DDO: variants seen among roughly 807,000 people sequenced by gnomAD.
DDO encodes D-aspartate oxidase.
A neutral mutation model predicts 16.8 loss-of-function variants in DDO; 16 were observed. The observed-to-expected ratio is 0.95, with a 90% CI of 0.65 to 1.45. DDO has a LOEUF of 1.45. Among genes scored for constraint, DDO ranks in the 40% most tolerant of loss-of-function variants. DDO has a pLI of 0.00. For synonymous variants in DDO, 180 were observed against 167.2 expected (o/e 1.08, Z -0.59); for missense variants, 429 against 420.3 (o/e 1.02, Z -0.18).
chr6:110,412,008 GC>G (rs1376166721), intron 2 of DDO, among the ~76,000 whole-genome samples: 1 of 152,174 alleles, frequency 6.6e-6, no homozygotes, highest in Non-Finnish European at 1.5e-5. Context: ...GAGCCACCAT[GC>G]CCCACCAGTG....
At chr6:110,409,109 G>A (rs557294678) in intron 2 of DDO, among the ~76,000 whole-genome samples, 5 of 152,320 alleles carry the variant, frequency 3.3e-5, no homozygotes, top group South Asian at 2.1e-4. Flanking sequence ...CAGCAGGGGC[G>A]TGCAGGGACC....
At chr6:110,400,092 A>C (rs1364137836) in intron 4 of DDO, among the ~76,000 whole-genome samples, 1 of 152,110 alleles carries the variant, frequency 6.6e-6, no homozygotes, top group African/African-American at 2.4e-5. Flanking sequence ...GGAAATGCTG[A>C]CCGCAGGCCC....
chr6:110,393,779 T>C (rs752412116), intron 4 of DDO, among the ~76,000 whole-genome samples: 1 of 152,192 alleles, frequency 6.6e-6, no homozygotes, highest in Non-Finnish European at 1.5e-5. Context: ...TAGCCTGGTC[T>C]CCCTAACTAA....
chr6:110,393,961 A>C (rs1773203986), intron 4 of DDO, among the ~76,000 whole-genome samples: 1 of 152,226 alleles, frequency 6.6e-6, no homozygotes, highest in Non-Finnish European at 1.5e-5. Context: ...CAGTACCTGT[A>C]GTCTTTATTT....
intron 3 of DDO, among the ~76,000 whole-genome samples, chr6:110,406,094 G>A (rs1310744760): frequency 6.6e-6 from 1 of 152,048 alleles, no homozygotes; most frequent in Non-Finnish European, 1.5e-5. Context: ...GGGCTAGCTT[G>A]CCCTCTTCCA....
intron 4 of DDO, among the ~76,000 whole-genome samples, chr6:110,398,429 T>TACACACCA (rs1222174948): frequency 6.2e-5 from 9 of 144,862 alleles, no homozygotes; most frequent in African/African-American, 2.4e-4. Flanking sequence ...CACACACACT[T>TACACACCA]GGCCTCCCAG....
downstream of DDO, among the ~76,000 whole-genome samples, chr6:110,388,446 C>A (rs1279295955): frequency 6.6e-6 from 1 of 152,266 alleles, no homozygotes; most frequent in Non-Finnish European, 1.5e-5. Flanking sequence ...TTTCTAAAAG[C>A]TTTTAATTGA....
downstream of DDO, among the ~76,000 whole-genome samples, chr6:110,388,628 T>TA (rs567971996): frequency 8.6e-3 from 1,288 of 149,560 alleles, 18 homozygotes; most frequent in African/African-American, 0.029. Flanking sequence ...TCCCAAAAGT[T>TA]AAAAAAAAAA....
chr6:110,410,260 C>A (rs1211534947), intron 2 of DDO, among the ~76,000 whole-genome samples: 4 of 152,206 alleles, frequency 2.6e-5, no homozygotes. Flanking sequence ...ACAGTTCTGG[C>A]CTCGATGGCC....
downstream of DDO, chr6:110,388,938 T>G: frequency 2.6e-6 from 1 of 390,498 alleles, no homozygotes; most frequent in Non-Finnish European, 3.5e-6. Context: ...ATCTTTGAAG[T>G]AAATGAAGAT....
chr6:110,400,602 A>G (rs1000986379), intron 4 of DDO, among the ~76,000 whole-genome samples: 3 of 152,200 alleles, frequency 2.0e-5, no homozygotes, highest in African/African-American at 7.2e-5. Context: ...CCAGGGCCTT[A>G]TCAACAATTT....
At position 110,392,952 on chromosome 6, in the gene DDO, G is replaced by A. The variant is rs200493686; in HGVS notation, c.849C>T (p.Gly283=). 2.3e-4 allele frequency: 379 copies of A among 1,614,014 alleles called. No individual in the cohort carries two copies. The highest frequency in any genetic ancestry group is 3.0e-4 in the Non-Finnish European group (357 of 1,179,990). Residue 283 remains glycine (G), a synonymous_variant, in exon 5 of 5, where the codon GGC becomes GGT. Coordinates refer to ENST00000368924, the MANE Select transcript of DDO (RefSeq NM_001372108.2). ...CAAGGAGCTCTGTCTGCAGTCGCAC[G>A]CCTGGCCTGTAGGGCCTCAAGCCCA... is the stretch of plus-strand genomic sequence containing the variant. ...EKVGLRPYRP[G]VRLQTELLAR...
intron 4 of DDO, among the ~76,000 whole-genome samples, chr6:110,404,496 G>A (rs1038931028): frequency 1.3e-5 from 2 of 152,202 alleles, no homozygotes; most frequent in Admixed American, 6.5e-5. Context: ...CAATAAGAGG[G>A]TTTTACCTGG....
intron 4 of DDO, 89 bp from the exon 5 acceptor site, chr6:110,393,431 A>G: frequency 6.7e-7 from 1 of 1,482,092 alleles, no homozygotes; most frequent in Non-Finnish European, 8.9e-7. Flanking sequence ...AGGAACAAAA[A>G]TTAGGTGATG....
intron 2 of DDO, among the ~76,000 whole-genome samples, chr6:110,408,918 C>T (rs1449803302): frequency 6.6e-6 from 1 of 152,228 alleles, no homozygotes; most frequent in African/African-American, 2.4e-5. Flanking sequence ...GGGCCCAGGC[C>T]AACCGGGACA....
rs1562268960 is a variant in DDO, at chr6:110,415,540, G to A, written c.-78C>T. 3 of 1,614,022 alleles carry A rather than the reference G, an allele frequency of 1.9e-6. No homozygotes were observed. The highest frequency in any genetic ancestry group is 2.5e-6 in the Non-Finnish European group (3 of 1,180,026). The stretch of plus-strand genomic sequence containing the variant: ...AACCTTGTTTCCCAGTGCCTGGCTG[G>A]TCTCATGCCCTGAGAGACAGAGAGA... On this transcript the variant is annotated 5_prime_UTR_variant, in exon 1 of 5. Coordinates refer to ENST00000368924, the MANE Select transcript of DDO (RefSeq NM_001372108.2).
At chr6:110,409,785 G>A (rs1402751748) in intron 2 of DDO, among the ~76,000 whole-genome samples, 1 of 152,192 alleles carries the variant, frequency 6.6e-6, no homozygotes, top group Non-Finnish European at 1.5e-5. Flanking sequence ...GCCACTGTGT[G>A]AGGTTGTATT....
At chr6:110,399,037 G>A (rs780312461) in intron 4 of DDO, among the ~76,000 whole-genome samples, 4 of 152,166 alleles carry the variant, frequency 2.6e-5, no homozygotes, top group East Asian at 1.9e-4. Flanking sequence ...TTAATGCCTC[G>A]CTGACTCATT....
intron 2 of DDO, among the ~76,000 whole-genome samples, chr6:110,410,839 G>A (rs1326099833): frequency 6.6e-6 from 1 of 152,088 alleles, no homozygotes. Flanking sequence ...TACACCAGGT[G>A]CCTGTGTTTG....
Sources: allele counts gnomAD v4.1 joint callset (sites outside exome capture counted in the v4.1 genomes callset), GRCh38; gene constraint gnomAD v4.1.1; transcripts MANE v1.5; gene names NCBI Gene and HGNC (gene_info 2026-07-23, HGNC 2026-07-21).